The following PLCXD3 variants were observed in gnomAD, a reference collection of about 807,000 sequenced individuals.
PLCXD3 encodes the protein phosphatidylinositol specific phospholipase C X domain containing 3, also known as PI-PLC X domain-containing protein 3.
Under a neutral mutation model 25.5 loss-of-function variants are expected in PLCXD3, and 19 were observed. The observed-to-expected ratio is 0.75, with a 90% CI of 0.52 to 1.09. The LOEUF is 1.09. PLCXD3 is among the 50% of genes least tolerant of loss of function. The probability of loss-of-function intolerance (pLI) is 0.00; values close to 1 mark genes in which losing one functional copy is unlikely to be tolerated. For missense variants in PLCXD3, 411 were observed against 388.1 expected (o/e 1.06, Z -0.50); for synonymous variants, 174 against 137.6 (o/e 1.26, Z -1.85).
In PLCXD3 at chr5:41,311,446, A is replaced by G. The variant is rs1007856452; in HGVS notation, c.*2171T>C. 6.6e-6 allele frequency: 1 copy of G among 151,974 alleles called. No individual in the cohort carries two copies. Among genetic ancestry groups the G allele is most frequent in the Non-Finnish European group, 1.5e-5 (1 of 67,978 alleles). The allele number at this position is 151,974 out of a possible 1,614,324, so 9.4% of individuals were successfully genotyped here. On this transcript the variant is annotated 3_prime_UTR_variant, in exon 3 of 3. Coordinates refer to ENST00000377801, the MANE Select transcript of PLCXD3 (RefSeq NM_001005473.3). ...AGGTTTTATTACTCTTTTTCACACA[A>G]TATTAAGGGTTTCAGTCTTAAAATT...
At position 41,491,479 on chromosome 5, in the gene PLCXD3, T is replaced by G. The variant is rs185890694; in HGVS notation, c.103+18945A>C. On this transcript the variant is annotated intron_variant, in intron 1 of 2. Coordinates refer to ENST00000377801, the MANE Select transcript of PLCXD3 (RefSeq NM_001005473.3). ...TTGGTGCAGAGCTGAGTTCAATTCCTGGGTATCCTTGTTAACTTTCTGTCT... is the reference window on the plus strand; with the variant it reads ...TTGGTGCAGAGCTGAGTTCAATTCCGGGGTATCCTTGTTAACTTTCTGTCT... 6.8e-4 allele frequency among the ~76,000 whole-genome samples: 103 copies of G among 152,294 alleles called. 5 individuals carry two copies. The highest frequency in any genetic ancestry group is 2.4e-3 in the African/African-American group (100 of 41,554).
At chr5:41,322,391 C>A (rs1743498936) in intron 2 of PLCXD3, among the ~76,000 whole-genome samples, 1 of 152,050 alleles carries the variant, frequency 6.6e-6, no homozygotes, top group Non-Finnish European at 1.5e-5. Context: ...TGGTTTATAT[C>A]CAGAAACAGG....
At chr5:41,443,804 C>T (rs1747438049) in intron 1 of PLCXD3, among the ~76,000 whole-genome samples, 1 of 152,116 alleles carries the variant, frequency 6.6e-6, no homozygotes, top group Non-Finnish European at 1.5e-5. Context: ...ACAGACCATA[C>T]CTAAGTATAA....
rs1749094305 is a variant in PLCXD3, at chr5:41,508,228, C to T, written c.103+2196G>A. ...TCTTTATGTCTGTACTCTAAGATCA[C>T]CCAGATACCAAAATCTCTCACCTCA... On this transcript the variant is annotated intron_variant, in intron 1 of 2. Coordinates refer to ENST00000377801, the MANE Select transcript of PLCXD3 (RefSeq NM_001005473.3). 3.3e-5 allele frequency among the ~76,000 whole-genome samples: 5 copies of T among 152,174 alleles called. No individual in the cohort carries two copies. The South Asian group carries it at 1.0e-3, about 32-fold the overall frequency.
At chr5:41,396,939 G>T (rs1192620039) in intron 1 of PLCXD3, among the ~76,000 whole-genome samples, 3 of 152,192 alleles carry the variant, frequency 2.0e-5, no homozygotes, top group Non-Finnish European at 4.4e-5. Flanking sequence ...TGGCCTTGCT[G>T]CTTCTAAAAG....
intron 2 of PLCXD3, among the ~76,000 whole-genome samples, chr5:41,331,069 C>A (rs1218938547): frequency 1.3e-5 from 2 of 152,146 alleles, no homozygotes; most frequent in Admixed American, 1.3e-4. Flanking sequence ...CACTCCTATT[C>A]AACATAGTGT....
intron 1 of PLCXD3, among the ~76,000 whole-genome samples, chr5:41,424,980 A>T (rs1269537896): frequency 6.6e-6 from 1 of 152,324 alleles, no homozygotes; most frequent in African/African-American, 2.4e-5. Context: ...TTCTCAACTA[A>T]AATTGTGGAT....
chr5:41,456,394 C>G (rs754472800), intron 1 of PLCXD3, among the ~76,000 whole-genome samples: 2 of 151,700 alleles, frequency 1.3e-5, no homozygotes, highest in Non-Finnish European at 2.9e-5. Flanking sequence ...ATTCTGTGTT[C>G]TGCTAAGTAT....
chr5:41,313,746 C>A lies in PLCXD3; in HGVS notation c.837G>T (p.Trp279Cys), dbSNP rs1280683254. Residue 279 changes from tryptophan (W) to cysteine (C), a missense_variant, in exon 3 of 3, where the codon TGG becomes TGT. Physicochemically the swap from Trp to Cys is radical, Grantham distance 215. Coordinates refer to ENST00000377801, the MANE Select transcript of PLCXD3 (RefSeq NM_001005473.3). ...TERALPAMMQ[W>C]VRTQKPGESG... ...TCTCTCCTGGCTTCTGCGTGCGGACCCACTGCATCATGGCAGGAAGAGCTC... is the reference window on the plus strand; with the variant it reads ...TCTCTCCTGGCTTCTGCGTGCGGACACACTGCATCATGGCAGGAAGAGCTC... 6.2e-7 allele frequency: 1 copy of A among 1,606,806 alleles called. No homozygotes were observed. Among genetic ancestry groups the A allele is most frequent in the Non-Finnish European group, 8.5e-7 (1 of 1,176,668 alleles).
rs1743070944 is a variant in PLCXD3 at position 41,309,316 on chromosome 5, C to T, written c.*4301G>A. On this transcript the variant is annotated 3_prime_UTR_variant, in exon 3 of 3. Transcript: ENST00000377801. ...AAACAATTTAGAGCATTATTTAAAA[C>T]TGTATGTAACACAGGAGCCACCAAT... 1 of 152,524 alleles carries T rather than the reference C, an allele frequency of 6.6e-6. No individual in the cohort carries two copies. The highest frequency in any genetic ancestry group is 1.5e-5 in the Non-Finnish European group (1 of 67,994). The allele number at this position is 152,524 out of a possible 1,614,324, so 9.4% of individuals were successfully genotyped here.
At chr5:41,321,208 G>C (rs1416179873) in intron 2 of PLCXD3, among the ~76,000 whole-genome samples, 5 of 152,276 alleles carry the variant, frequency 3.3e-5, no homozygotes, top group Admixed American at 2.0e-4. Flanking sequence ...TAAAGACTCT[G>C]TAAGAAAACA....
intron 1 of PLCXD3, chr5:41,475,810 G>A (rs1359763208): frequency 2.0e-6 from 1 of 501,770 alleles, no homozygotes. Context: ...ATCATTATGA[G>A]ACTGAATGAA....
intron 1 of PLCXD3, among the ~76,000 whole-genome samples, chr5:41,410,776 G>A (rs956582785): frequency 2.0e-5 from 3 of 152,162 alleles, no homozygotes; most frequent in African/African-American, 4.8e-5. Context: ...TAGAGGTAAC[G>A]TGCAGCATAA....
At chr5:41,404,431 T>C (rs760369387) in intron 1 of PLCXD3, among the ~76,000 whole-genome samples, 2 of 151,764 alleles carry the variant, frequency 1.3e-5, no homozygotes, top group African/African-American at 2.4e-5. Context: ...CCTACACAAA[T>C]GCACATTAGG....
At chr5:41,380,419 T>A (rs916071438) in intron 2 of PLCXD3, among the ~76,000 whole-genome samples, 16 of 152,068 alleles carry the variant, frequency 1.1e-4, no homozygotes, top group African/African-American at 3.9e-4. Flanking sequence ...CTGCTCGCTC[T>A]CTCCATTCCA....
intron 1 of PLCXD3, among the ~76,000 whole-genome samples, chr5:41,423,307 T>A (rs1746873191): frequency 6.6e-6 from 1 of 152,184 alleles, no homozygotes; most frequent in East Asian, 1.9e-4. Flanking sequence ...TAGAATAAAG[T>A]TTTTTTATGC....
chr5:41,328,529 T>C (rs192852000), intron 2 of PLCXD3, among the ~76,000 whole-genome samples: 3 of 152,256 alleles, frequency 2.0e-5, no homozygotes, highest in Non-Finnish European at 1.5e-5. Flanking sequence ...CATGTCCGAG[T>C]ATCCTTTTCC....
At chr5:41,404,731 C>T (rs1326381023) in intron 1 of PLCXD3, among the ~76,000 whole-genome samples, 2 of 152,006 alleles carry the variant, frequency 1.3e-5, no homozygotes, top group Non-Finnish European at 2.9e-5. Flanking sequence ...AATGAACTTC[C>T]GGTTGGTCTC....
intron 1 of PLCXD3, among the ~76,000 whole-genome samples, chr5:41,386,364 C>T (rs1194332111): frequency 6.6e-6 from 1 of 151,982 alleles, no homozygotes; most frequent in Non-Finnish European, 1.5e-5. Flanking sequence ...ATTTTATTAC[C>T]TTATCTGTGT....
Sources: allele counts gnomAD v4.1 joint callset (sites outside exome capture counted in the v4.1 genomes callset), GRCh38; gene constraint gnomAD v4.1.1; transcripts MANE v1.5; gene names NCBI Gene and HGNC (gene_info 2026-07-23, HGNC 2026-07-21).